Variants in DENND1B observed in about 807,000 individuals in gnomAD.
DENND1B encodes DENN domain containing 1B.
In DENND1B, 59 loss-of-function variants were observed where a neutral mutation model predicts 90.1. The observed-to-expected ratio is 0.65, with a 90% confidence interval of 0.53 to 0.81. The LOEUF (loss-of-function observed/expected upper bound fraction) is 0.81, where lower values mean the gene tolerates loss of function less well. DENND1B is among the 40% of genes least tolerant of loss of function. The pLI is 0.00. For missense variants in DENND1B, 862 were observed against 912.6 expected (o/e 0.94, Z 0.71); for synonymous variants, 337 against 324.6 (o/e 1.04, Z -0.41).
chr1:197,734,547 T>C (rs1460687135), intron 2 of DENND1B: 6 of 975,870 alleles, frequency 6.1e-6, no homozygotes, highest in Admixed American at 1.2e-4. Context: ...ATGTTTTGTG[T>C]TATTGGTATA....
intron 2 of DENND1B, among the ~76,000 whole-genome samples, chr1:197,756,753 T>A (rs1654356868): frequency 6.6e-6 from 1 of 151,664 alleles, no homozygotes; most frequent in Admixed American, 6.6e-5. Flanking sequence ...TTAAAACAGA[T>A]GAACATTAGA....
At chr1:197,640,345 C>T (rs982058641) in intron 10 of DENND1B, among the ~76,000 whole-genome samples, 3 of 151,472 alleles carry the variant, frequency 2.0e-5, no homozygotes, top group South Asian at 2.1e-4. Context: ...TGGTGGCAGG[C>T]GCCTGTACTC....
At chr1:197,520,899 T>C (rs905353325) in intron 20 of DENND1B, among the ~76,000 whole-genome samples, 5 of 151,834 alleles carry the variant, frequency 3.3e-5, no homozygotes, top group Non-Finnish European at 7.4e-5. Context: ...TAAAAATTCA[T>C]GAAGTGAACA....
chr1:197,704,600 T>A (rs1440531937), intron 3 of DENND1B, among the ~76,000 whole-genome samples: 2 of 152,174 alleles, frequency 1.3e-5, no homozygotes, highest in African/African-American at 4.8e-5. Flanking sequence ...AAATGCCATG[T>A]CAGTTGTCCC....
chr1:197,516,180 A>T (rs760385578), intron 20 of DENND1B, among the ~76,000 whole-genome samples: 1 of 151,808 alleles, frequency 6.6e-6, no homozygotes, highest in Non-Finnish European at 1.5e-5. Flanking sequence ...AAACTGATTA[A>T]TATGTTGTTT....
chr1:197,754,047 A>T (rs1052907635), intron 2 of DENND1B, among the ~76,000 whole-genome samples: 6 of 151,750 alleles, frequency 4.0e-5, no homozygotes, highest in Admixed American at 2.0e-4. Context: ...TTCTATTTTT[A>T]AAATACATAT....
chr1:197,575,608 T>A (rs1456097486), intron 15 of DENND1B, among the ~76,000 whole-genome samples: 1 of 152,210 alleles, frequency 6.6e-6, no homozygotes, highest in African/African-American at 2.4e-5. Context: ...TTATAAATTA[T>A]GCTACCATAA....
chr1:197,769,504 T>C (rs1173019452), intron 2 of DENND1B, among the ~76,000 whole-genome samples: 1 of 152,126 alleles, frequency 6.6e-6, no homozygotes, highest in Non-Finnish European at 1.5e-5. Flanking sequence ...CCGCAAGAAA[T>C]CTAAGCCCTC....
chr1:197,726,313 C>G (rs964575634), intron 2 of DENND1B, among the ~76,000 whole-genome samples: 1 of 152,164 alleles, frequency 6.6e-6, no homozygotes, highest in Non-Finnish European at 1.5e-5. Context: ...ATCTGCAGAA[C>G]TTCAACATAG....
intron 20 of DENND1B, among the ~76,000 whole-genome samples, chr1:197,529,451 A>C (rs1428002796): frequency 6.6e-6 from 1 of 151,134 alleles, no homozygotes; most frequent in Non-Finnish European, 1.5e-5. Context: ...TCAGTCCCCC[A>C]CTTTCCCTAG....
intron 15 of DENND1B, among the ~76,000 whole-genome samples, chr1:197,581,902 G>A (rs1674279883): frequency 6.6e-6 from 1 of 152,142 alleles, no homozygotes; most frequent in Admixed American, 6.5e-5. Context: ...TACTCAACAA[G>A]CATGCACTGC....
At chr1:197,735,088 A>C in intron 2 of DENND1B, 1 of 970,548 alleles carries the variant, frequency 1.0e-6, no homozygotes, top group Non-Finnish European at 1.2e-6. Flanking sequence ...TCATAAAACA[A>C]TAATATGCAA....
chr1:197,556,779 T>C (rs964988614), intron 15 of DENND1B, among the ~76,000 whole-genome samples: 2 of 151,968 alleles, frequency 1.3e-5, no homozygotes, highest in African/African-American at 4.8e-5. Flanking sequence ...ATATAAAGTG[T>C]CTGCATTGTG....
chr1:197,681,801 T>C (rs1572307035), intron 3 of DENND1B, among the ~76,000 whole-genome samples: 2 of 152,188 alleles, frequency 1.3e-5, no homozygotes, highest in Non-Finnish European at 2.9e-5. Context: ...TCCTCACACC[T>C]AGTCTATGTT....
chr1:197,759,344 A>T (rs1654721641), intron 2 of DENND1B, among the ~76,000 whole-genome samples: 1 of 151,458 alleles, frequency 6.6e-6, no homozygotes, highest in African/African-American at 2.4e-5. Context: ...AGCAAAATAC[A>T]ATTAAAAGTA....
chr1:197,594,597 A>G (rs1354592474), intron 14 of DENND1B, among the ~76,000 whole-genome samples: 2 of 152,142 alleles, frequency 1.3e-5, no homozygotes, highest in Non-Finnish European at 2.9e-5. Flanking sequence ...ATTCAGAGAG[A>G]GCAACAAATG....
chr1:197,715,542 G>A (rs1396943944), intron 2 of DENND1B, among the ~76,000 whole-genome samples: 7 of 151,594 alleles, frequency 4.6e-5, no homozygotes, highest in Non-Finnish European at 7.4e-5. Flanking sequence ...TTCCAATTAA[G>A]ATTTACAAAA....
chr1:197,684,275 C>T (rs1269478632), intron 3 of DENND1B, among the ~76,000 whole-genome samples: 1 of 152,026 alleles, frequency 6.6e-6, no homozygotes, highest in Non-Finnish European at 1.5e-5. Flanking sequence ...TTAAATAGAG[C>T]GACTGAGAGG....
intron 10 of DENND1B, among the ~76,000 whole-genome samples, chr1:197,626,252 A>G (rs1252332951): frequency 2.6e-5 from 4 of 152,102 alleles, no homozygotes; most frequent in Admixed American, 6.6e-5. Context: ...CCTATTCCAA[A>G]ATTGACCACA....
Sources: gnomAD v4.1 joint callset for allele counts (sites outside exome capture counted in the v4.1 genomes callset) on GRCh38, gnomAD v4.1.1 for gene constraint, MANE v1.5 for transcripts, NCBI Gene and HGNC (gene_info 2026-07-23, HGNC 2026-07-21) for gene names.